TBC1D14: variants seen among roughly 807,000 people sequenced by gnomAD.
TBC1D14 encodes the protein TBC1 domain family, member 14.
In TBC1D14, 26 loss-of-function variants were observed where a neutral mutation model predicts 79.0. That is an observed-to-expected ratio of 0.33 (90% confidence interval 0.24 to 0.46). The LOEUF (loss-of-function observed/expected upper bound fraction) is 0.46, where lower values mean the gene tolerates loss of function less well. TBC1D14 is among the 20% of genes least tolerant of loss of function. The pLI is 1.00. For synonymous variants in TBC1D14, 394 were observed against 349.9 expected, an observed-to-expected ratio of 1.13 and a Z score of -1.40; for missense variants, 769 against 887.6, an observed-to-expected ratio of 0.87 and a Z score of 1.70.
At chr4:7,005,690 C>T (rs1431331694) in intron 8 of TBC1D14, among the ~76,000 whole-genome samples, 2 of 151,498 alleles carry the variant, frequency 1.3e-5, no homozygotes, top group African/African-American at 4.8e-5. Flanking sequence ...CAGAGCAAGA[C>T]TCCCTCTAAA....
chr4:6,968,713 A>C, intron 3 of TBC1D14, among the ~76,000 whole-genome samples: 1 of 152,198 alleles, frequency 6.6e-6, no homozygotes, highest in African/African-American at 2.4e-5. Context: ...GACTGCCGGG[A>C]GGAGGCTGGC....
intron 2 of TBC1D14, among the ~76,000 whole-genome samples, chr4:6,935,994 T>A (rs945439630): frequency 6.6e-6 from 1 of 152,232 alleles, no homozygotes; most frequent in Non-Finnish European, 1.5e-5. Context: ...AAATAGACTT[T>A]ATTTTTTAGA....
At position 7,030,314 on chromosome 4, in the gene TBC1D14, C is replaced by T; in HGVS notation, c.2017-13C>T. 6.2e-7 allele frequency: 1 copy of T among 1,613,264 alleles called. No homozygotes were observed. The highest frequency in any genetic ancestry group is 1.3e-5 in the African/African-American group (1 of 75,032). On this transcript the variant is annotated splice_polypyrimidine_tract_variant and intron_variant, in intron 13 of 13. Coordinates refer to ENST00000409757, the MANE Select transcript of TBC1D14 (RefSeq NM_020773.3). The stretch of plus-strand genomic sequence containing the variant: ...GGTCACTTAACCTCAGCTGTCTTCC[C>T]TGTGACTTCTAGGTACTGACTGCAT...
intron 2 of TBC1D14, among the ~76,000 whole-genome samples, chr4:6,931,013 G>A (rs1215752511): frequency 6.6e-6 from 1 of 151,916 alleles, no homozygotes; most frequent in African/African-American, 2.4e-5. Flanking sequence ...CGCTTCTCCT[G>A]CCTCAGCCTC....
chr4:6,982,308 G>A (rs1316088087), intron 3 of TBC1D14, among the ~76,000 whole-genome samples: 4 of 152,160 alleles, frequency 2.6e-5, no homozygotes, highest in African/African-American at 7.2e-5. Flanking sequence ...AATACCTTGG[G>A]TGAACCTCGG....
At chr4:6,957,661 G>A (rs1714767959) in intron 2 of TBC1D14, among the ~76,000 whole-genome samples, 1 of 152,178 alleles carries the variant, frequency 6.6e-6, no homozygotes, top group African/African-American at 2.4e-5. Flanking sequence ...ATCTTAGAAA[G>A]TTAGAGGGAG....
At chr4:7,019,193 T>C (rs575000673) in intron 12 of TBC1D14, among the ~76,000 whole-genome samples, 13 of 152,274 alleles carry the variant, frequency 8.5e-5, no homozygotes, top group African/African-American at 3.1e-4. Flanking sequence ...AGCTAATTTT[T>C]GTATTTTTAG....
intron 3 of TBC1D14, among the ~76,000 whole-genome samples, chr4:6,971,119 C>T (rs1716189948): frequency 6.6e-6 from 1 of 152,234 alleles, no homozygotes; most frequent in Admixed American, 6.5e-5. Flanking sequence ...CAGGTGTGCA[C>T]ACTGGCCAGG....
chr4:6,994,984 C>T (rs1361970473), intron 4 of TBC1D14, among the ~76,000 whole-genome samples: 1 of 152,102 alleles, frequency 6.6e-6, no homozygotes, highest in Non-Finnish European at 1.5e-5. Context: ...AGACTCTGGC[C>T]TTTGAAGTCC....
rs553763454 is a variant in TBC1D14 at position 6,915,381 on chromosome 4, GC to G, written c.-18+5433del. ...GGTTGGGGGTCACTGCACCTGCTCAGCCCAGTTTTGTTATTCCCATCTGGAA... is the reference window on the plus strand; with the variant it reads ...GGTTGGGGGTCACTGCACCTGCTCAGCCAGTTTTGTTATTCCCATCTGGAA... On this transcript the variant is annotated intron_variant, in intron 1 of 13. Coordinates refer to ENST00000409757, the MANE Select transcript of TBC1D14 (RefSeq NM_020773.3). 1.7e-4 allele frequency among the ~76,000 whole-genome samples: 26 copies of G among 152,306 alleles called. 1 individual carries two copies. The South Asian group carries it at 5.0e-3, about 29-fold the overall frequency.
chr4:6,962,581 G>A (rs1715322652), intron 2 of TBC1D14, among the ~76,000 whole-genome samples: 1 of 152,062 alleles, frequency 6.6e-6, no homozygotes, highest in Non-Finnish European at 1.5e-5. Context: ...CCCTTTGTTG[G>A]GGATGCAAAA....
At chr4:7,029,615 A>G (rs1334167758) in intron 13 of TBC1D14, among the ~76,000 whole-genome samples, 1 of 152,246 alleles carries the variant, frequency 6.6e-6, no homozygotes, top group Non-Finnish European at 1.5e-5. Context: ...TCATGAGGTC[A>G]GGAGTTCGAG....
intron 13 of TBC1D14, 38 bp downstream of exon 13, chr4:7,025,300 G>A (rs756349203): frequency 2.5e-6 from 4 of 1,611,398 alleles, no homozygotes; most frequent in South Asian, 1.1e-5. Flanking sequence ...CCACAGCGTA[G>A]CCGGCAAGTG....
chr4:6,987,324 G>T, intron 3 of TBC1D14: 1 of 1,406,362 alleles, frequency 7.1e-7, no homozygotes, highest in Non-Finnish European at 9.3e-7. Context: ...CTCCGGCCGC[G>T]CGCCTCTAAG....
intron 13 of TBC1D14, 97 bp from the exon 14 acceptor site, chr4:7,030,230 G>A (rs147809152): frequency 1.7e-6 from 2 of 1,163,700 alleles, no homozygotes; most frequent in Non-Finnish European, 2.6e-6. Flanking sequence ...GGGAGCCGGG[G>A]GACCCTGTTA....
intron 13 of TBC1D14, among the ~76,000 whole-genome samples, chr4:7,028,012 A>T (rs927530782): frequency 8.5e-6 from 1 of 118,260 alleles, no homozygotes; most frequent in African/African-American, 3.3e-5. Context: ...ATCACCCCAC[A>T]CACACCCACA....
rs558327261 is a variant in TBC1D14, at chr4:6,956,455, A to C, written c.723-10849A>C. ...GCGTAGACAGAAAACACAGGCTCCC[A>C]ACACGCCATCCCCGCTGATGGCTCC... On this transcript the variant is annotated intron_variant, in intron 2 of 13. Transcript: ENST00000409757. Among the ~76,000 whole-genome samples, 575 of 152,354 alleles carry C rather than the reference A, an allele frequency of 3.8e-3. 9 individuals are homozygous for C. The highest frequency in any genetic ancestry group is 6.0e-3 in the Non-Finnish European group (408 of 68,030).
chr4:6,980,180 A>T (rs1463457711), intron 3 of TBC1D14, among the ~76,000 whole-genome samples: 1 of 152,238 alleles, frequency 6.6e-6, no homozygotes, highest in Admixed American at 6.5e-5. Flanking sequence ...AAATTTCAAA[A>T]GGATTAAAAT....
chr4:6,980,623 G>A (rs762800053), intron 3 of TBC1D14, among the ~76,000 whole-genome samples: 1 of 151,320 alleles, frequency 6.6e-6, no homozygotes, highest in Non-Finnish European at 1.5e-5. Context: ...TAGCAAAACT[G>A]ACAAAAAGAG....
Sources: gnomAD v4.1 joint callset for allele counts (sites outside exome capture counted in the v4.1 genomes callset) on GRCh38, gnomAD v4.1.1 for gene constraint, MANE v1.5 for transcripts, NCBI Gene and HGNC (gene_info 2026-07-23, HGNC 2026-07-21) for gene names.